The following SLC26A7 variants were observed in gnomAD, a reference collection of about 807,000 sequenced individuals.
The protein encoded by SLC26A7 is solute carrier family 26 member 7.
SLC26A7 carries 59 observed loss-of-function variants against 82.5 expected under a neutral mutation model. The ratio of observed to expected loss-of-function variants is 0.72; its 90% CI spans 0.58 to 0.89. The LOEUF is 0.89. Among genes scored for constraint, SLC26A7 ranks in the 40% least tolerant of loss-of-function variants. SLC26A7 has a pLI of 0.00. For missense variants in SLC26A7, 820 were observed against 793.0 expected, an observed-to-expected ratio of 1.03 and a Z score of -0.41; for synonymous variants, 271 against 274.3, an observed-to-expected ratio of 0.99 and a Z score of 0.12.
chr8:91,247,197 A>G (rs59058801), upstream of SLC26A7, among the ~76,000 whole-genome samples: 3,691 of 152,288 alleles, frequency 0.024, 158 homozygotes, highest in African/African-American at 0.082. Flanking sequence ...CTTTCTGTTA[A>G]TCCATGTATG....
chr8:91,358,997 T>A (rs1445695681), intron 11 of SLC26A7, among the ~76,000 whole-genome samples: 2 of 152,176 alleles, frequency 1.3e-5, no homozygotes, highest in Non-Finnish European at 2.9e-5. Context: ...AGTTAATGGC[T>A]GCAGCACACC....
chr8:91,259,650 A>T (rs1347039605), intron 2 of SLC26A7, among the ~76,000 whole-genome samples: 1 of 152,058 alleles, frequency 6.6e-6, no homozygotes, highest in Non-Finnish European at 1.5e-5. Flanking sequence ...TTAGTATTCT[A>T]AAGGATCATG....
chr8:91,350,879 C>G (rs1436447945), intron 9 of SLC26A7, among the ~76,000 whole-genome samples: 1 of 152,126 alleles, frequency 6.6e-6, no homozygotes, highest in Non-Finnish European at 1.5e-5. Context: ...CACTGCCAAA[C>G]TGTTTCAGAG....
intron 2 of SLC26A7, among the ~76,000 whole-genome samples, chr8:91,253,904 G>A (rs1810729679): frequency 6.6e-6 from 1 of 151,990 alleles, no homozygotes; most frequent in South Asian, 2.1e-4. Context: ...CATTCTAGAA[G>A]CCAACAATTG....
In SLC26A7 at chr8:91,394,014, C is replaced by A. The variant is rs776356342; in HGVS notation, c.1910C>A (p.Ala637Glu). The change falls in exon 18 of 19, where the codon GCA (alanine) becomes GAA (glutamate). Residue 637 changes from alanine to glutamate, a missense_variant. Transcript: ENST00000276609. Reference protein sequence around the residue: ...KPIFFESVSAAISHIHSNKNL... With the variant: ...KPIFFESVSAEISHIHSNKNL... ...ATTTTTTTTGAATCGGTATCTGCTGCAATAAGTCATATCCATTCAAATAAG... is the reference window on the plus strand; with the variant it reads ...ATTTTTTTTGAATCGGTATCTGCTGAAATAAGTCATATCCATTCAAATAAG... 3.1e-6 allele frequency: 5 copies of A among 1,613,342 alleles called. No homozygotes were observed. Among genetic ancestry groups the A allele is most frequent in the Non-Finnish European group, 4.2e-6 (5 of 1,179,522 alleles).
chr8:91,341,065 C>G (rs575910973), intron 8 of SLC26A7, among the ~76,000 whole-genome samples: 1 of 151,512 alleles, frequency 6.6e-6, no homozygotes, highest in South Asian at 2.1e-4. Context: ...TATACATGTG[C>G]CATGCTGGTG....
intron 2 of SLC26A7, among the ~76,000 whole-genome samples, chr8:91,229,877 C>G (rs374966868): frequency 6.6e-6 from 1 of 152,152 alleles, no homozygotes; most frequent in East Asian, 1.9e-4. Flanking sequence ...AAACATTGCA[C>G]AGGGCACATT....
chr8:91,358,552 GA>G (rs1313672265), intron 11 of SLC26A7, among the ~76,000 whole-genome samples: 2 of 151,742 alleles, frequency 1.3e-5, no homozygotes, highest in African/African-American at 4.8e-5. Flanking sequence ...GGATGGTCTC[GA>G]TCTGCTGACA....
At chr8:91,375,763 A>G (rs1814498661) in intron 15 of SLC26A7, among the ~76,000 whole-genome samples, 1 of 146,454 alleles carries the variant, frequency 6.8e-6, no homozygotes, top group African/African-American at 2.5e-5. Flanking sequence ...AATTTCTTGT[A>G]TCTGGATAAT....
At position 91,343,523 on chromosome 8, in the gene SLC26A7, G is replaced by A. The variant is rs1037823016; in HGVS notation, c.1140+57G>A. The A allele has an allele frequency of 3.3e-6, 4 of 1,195,030 alleles. No individual in the cohort carries two copies. The African/African-American group carries it at 6.0e-5, about 18-fold the overall frequency. The allele number at this position is 1,195,030 out of a possible 1,614,324, so 74.0% of individuals were successfully genotyped here. On this transcript the variant is annotated intron_variant, in intron 9 of 18. Coordinates refer to ENST00000276609, the MANE Select transcript of SLC26A7 (RefSeq NM_052832.4). ...TGCTGGGCCTTCACTCCCATTCTAG[G>A]AGAGTGGGAAGAGCTAGCTTCTCTT...
intron 2 of SLC26A7, among the ~76,000 whole-genome samples, chr8:91,270,732 A>G (rs1331289091): frequency 1.3e-5 from 2 of 152,166 alleles, no homozygotes; most frequent in African/African-American, 2.4e-5. Flanking sequence ...GAGAAATTCA[A>G]ATTTCTATGA....
intron 5 of SLC26A7, among the ~76,000 whole-genome samples, chr8:91,326,494 G>C (rs961524976): frequency 6.6e-6 from 1 of 152,094 alleles, no homozygotes; most frequent in Non-Finnish European, 1.5e-5. Flanking sequence ...TTAGGAGGAC[G>C]CCAATCATAT....
intron 2 of SLC26A7, among the ~76,000 whole-genome samples, chr8:91,263,312 T>C (rs1194441121): frequency 6.6e-6 from 1 of 152,056 alleles, no homozygotes; most frequent in Non-Finnish European, 1.5e-5. Flanking sequence ...ACTCATCATT[T>C]TTGCTGCTAT....
intron 2 of SLC26A7, among the ~76,000 whole-genome samples, chr8:91,253,429 G>T (rs1280690379): frequency 6.6e-6 from 1 of 152,064 alleles, no homozygotes; most frequent in African/African-American, 2.4e-5. Context: ...AATTCTGTCT[G>T]AACTATTGAA....
intron 2 of SLC26A7, among the ~76,000 whole-genome samples, chr8:91,284,883 C>T (rs1410757194): frequency 6.6e-6 from 1 of 152,162 alleles, no homozygotes; most frequent in Non-Finnish European, 1.5e-5. Flanking sequence ...TGATTTGATC[C>T]TGTGCAGAAA....
intron 2 of SLC26A7, among the ~76,000 whole-genome samples, chr8:91,225,133 T>C (rs1352030428): frequency 1.3e-5 from 2 of 152,224 alleles, no homozygotes; most frequent in Admixed American, 6.5e-5. Flanking sequence ...GTCCCAGTGC[T>C]GGCTGCTGCC....
rs188079277 is a variant in SLC26A7 at position 91,299,435 on chromosome 8, A to G, written c.477+3732A>G. Among the ~76,000 whole-genome samples, 154 of 150,666 alleles carry G rather than the reference A, an allele frequency of 1.0e-3. 1 individual carries two copies. The highest frequency in any genetic ancestry group is 5.8e-4 in the Non-Finnish European group (39 of 67,628). ...TCCATGATTTATTTTTTTTCTTTTT[A>G]TATATACATTCCTGATAATTGTGGA... On this transcript the variant is annotated intron_variant, in intron 4 of 18. Transcript: ENST00000276609.
chr8:91,347,721 T>A (rs1813602894), intron 9 of SLC26A7, among the ~76,000 whole-genome samples: 1 of 152,166 alleles, frequency 6.6e-6, no homozygotes. Flanking sequence ...ACTGATCATT[T>A]AACACCAAGT....
At chr8:91,393,743 C>T in intron 16 of SLC26A7, 54 bp from the exon 17 acceptor site, 1 of 1,577,064 alleles carries the variant, frequency 6.3e-7, no homozygotes. Context: ...CATCTTATTT[C>T]CTCCTGCTGG....
Sources: gnomAD v4.1 joint callset for allele counts (sites outside exome capture counted in the v4.1 genomes callset) on GRCh38, gnomAD v4.1.1 for gene constraint, MANE v1.5 for transcripts, NCBI Gene and HGNC (gene_info 2026-07-23, HGNC 2026-07-21) for gene names.